SGCD: variants seen among roughly 807,000 people sequenced by gnomAD.
SGCD encodes sarcoglycan delta.
A neutral mutation model predicts 36.6 loss-of-function variants in SGCD; 18 were observed. That is an observed-to-expected ratio of 0.49 (90% CI 0.34 to 0.73). The LOEUF is 0.73. Among genes scored for constraint, SGCD ranks in the 30% least tolerant of loss-of-function variants. The pLI is 0.01. For synonymous variants in SGCD, 133 were observed against 130.6 expected, an observed-to-expected ratio of 1.02 and a Z score of -0.12; for missense variants, 387 against 346.7, an observed-to-expected ratio of 1.12 and a Z score of -0.92.
chr5:156,473,903 T>A lies in SGCD; in HGVS notation c.193-34698T>A, dbSNP rs1222115251. Among the ~76,000 whole-genome samples the A allele has an allele frequency of 2.6e-5, 4 of 152,008 alleles. No individual in the cohort carries two copies. The East Asian group carries it at 7.7e-4, about 29-fold the overall frequency. ...GTCAAGAAGTAACCTATCCGATAAA[T>A]AAATTAGATGAATTTTAATACCTTT... On this transcript the variant is annotated intron_variant, in intron 3 of 8. Transcript: ENST00000337851.
intron 3 of SGCD, among the ~76,000 whole-genome samples, chr5:156,205,990 T>TATATA (rs1491328971): frequency 7.3e-6 from 1 of 136,320 alleles, no homozygotes; most frequent in African/African-American, 2.6e-5. Flanking sequence ...TATATATATA[T>TATATA]TTTATATATA....
At chr5:156,616,277 T>C (rs1450998858) in intron 6 of SGCD, among the ~76,000 whole-genome samples, 1 of 152,170 alleles carries the variant, frequency 6.6e-6, no homozygotes, top group African/African-American at 2.4e-5. Context: ...TTGAACTAGT[T>C]AGTCACTGTG....
chr5:156,221,003 A>G (rs978023127), intron 3 of SGCD, among the ~76,000 whole-genome samples: 2 of 152,160 alleles, frequency 1.3e-5, no homozygotes, highest in Admixed American at 6.6e-5. Context: ...CTTGTCAGGA[A>G]AAAACAAAGC....
intron 6 of SGCD, among the ~76,000 whole-genome samples, chr5:156,646,113 A>G (rs915170258): frequency 1.3e-5 from 2 of 152,170 alleles, no homozygotes; most frequent in African/African-American, 4.8e-5. Flanking sequence ...GTCCTCCAGT[A>G]TGTGGAACAT....
chr5:156,256,419 C>G (rs1026691556), intron 3 of SGCD, among the ~76,000 whole-genome samples: 1 of 152,132 alleles, frequency 6.6e-6, no homozygotes. Context: ...CATATAGAAC[C>G]AGACAGTATC....
At chr5:155,878,801 T>C (rs1755817676) in intron 1 of SGCD, among the ~76,000 whole-genome samples, 2 of 152,158 alleles carry the variant, frequency 1.3e-5, no homozygotes, top group African/African-American at 4.8e-5. Context: ...AAACTATTCA[T>C]GTGAGTATAT....
chr5:156,537,255 T>G (rs1243858071), intron 4 of SGCD, among the ~76,000 whole-genome samples: 1 of 152,186 alleles, frequency 6.6e-6, no homozygotes, highest in African/African-American at 2.4e-5. Context: ...CTGTGTTTTG[T>G]GAAAAATGAT....
chr5:156,487,929 T>A (rs1297693211), intron 3 of SGCD, among the ~76,000 whole-genome samples: 1 of 140,026 alleles, frequency 7.1e-6, no homozygotes, highest in African/African-American at 2.6e-5. Flanking sequence ...TCAGAAAAAA[T>A]TCATAATCTC....
At chr5:156,638,125 C>CT (rs1168701743) in intron 6 of SGCD, among the ~76,000 whole-genome samples, 273 of 144,282 alleles carry the variant, frequency 1.9e-3, no homozygotes, top group Admixed American at 4.3e-3. Context: ...AAATCATACA[C>CT]TTTTTTTTTT....
chr5:156,016,829 C>G (rs1758991035), intron 1 of SGCD, among the ~76,000 whole-genome samples: 1 of 152,120 alleles, frequency 6.6e-6, no homozygotes, highest in African/African-American at 2.4e-5. Context: ...ATTGTCAATA[C>G]TTTGCAATTG....
At chr5:156,728,385 C>T (rs2113799129) in intron 7 of SGCD, among the ~76,000 whole-genome samples, 1 of 151,926 alleles carries the variant, frequency 6.6e-6, no homozygotes, top group Non-Finnish European at 1.5e-5. Context: ...GGTGGCAATG[C>T]CTGTAATCCC....
the SGCD span, among the ~76,000 whole-genome samples, chr5:155,807,825 A>G: frequency 5.3e-4 from 80 of 152,158 alleles, 1 homozygote; most frequent in South Asian, 8.1e-3. Flanking sequence ...TCCAAGAAAG[A>G]CTCTTTATGG....
intron 7 of SGCD, among the ~76,000 whole-genome samples, chr5:156,654,452 C>T (rs1196599914): frequency 6.6e-6 from 1 of 152,042 alleles, no homozygotes; most frequent in East Asian, 1.9e-4. Context: ...CAGTATGAGT[C>T]ATTAATAAAA....
At chr5:156,549,493 G>A (rs1355743430) in intron 4 of SGCD, among the ~76,000 whole-genome samples, 1 of 152,236 alleles carries the variant, frequency 6.6e-6, no homozygotes, top group African/African-American at 2.4e-5. Context: ...GCAAAGTGAG[G>A]ATGGAGAACT....
At chr5:156,255,088 T>C (rs1424166356) in intron 3 of SGCD, among the ~76,000 whole-genome samples, 1 of 152,178 alleles carries the variant, frequency 6.6e-6, no homozygotes, top group East Asian at 1.9e-4. Context: ...GTGTGTATAA[T>C]GTGTATATGA....
chr5:155,792,558 AG>A, the SGCD span, among the ~76,000 whole-genome samples: 2 of 152,038 alleles, frequency 1.3e-5, no homozygotes, highest in Non-Finnish European at 2.9e-5. Context: ...CAAATGAGCA[AG>A]AAAAAAAAAA....
intron 1 of SGCD, among the ~76,000 whole-genome samples, chr5:155,971,641 G>C (rs1194552296): frequency 6.6e-6 from 1 of 152,024 alleles, no homozygotes; most frequent in Non-Finnish European, 1.5e-5. Context: ...ACGGGGTCAG[G>C]GGGAAAATAC....
At chr5:156,211,137 C>T (rs1213843457) in intron 3 of SGCD, among the ~76,000 whole-genome samples, 1 of 151,266 alleles carries the variant, frequency 6.6e-6, no homozygotes, top group Non-Finnish European at 1.5e-5. Flanking sequence ...GGACAAGAAA[C>T]GTTGGATGAT....
At chr5:156,418,485 A>G (rs568127612) in intron 3 of SGCD, among the ~76,000 whole-genome samples, 14 of 152,302 alleles carry the variant, frequency 9.2e-5, no homozygotes, top group Admixed American at 7.8e-4. Context: ...CTCCACCACC[A>G]TCACCTAAAG....
Sources: allele counts gnomAD v4.1 joint callset (sites outside exome capture counted in the v4.1 genomes callset), GRCh38; gene constraint gnomAD v4.1.1; transcripts MANE v1.5; gene names NCBI Gene and HGNC (gene_info 2026-07-23, HGNC 2026-07-21).